The following ADGRL2 variants were observed in gnomAD, a reference collection of about 807,000 sequenced individuals.
ADGRL2 encodes adhesion G protein-coupled receptor L2.
Under a neutral mutation model 157.4 loss-of-function variants are expected in ADGRL2, and 44 were observed. The observed-to-expected ratio is 0.28, with a 90% CI of 0.22 to 0.36. ADGRL2 has a LOEUF of 0.36. ADGRL2 is among the 10% of genes least tolerant of loss of function. The probability of loss-of-function intolerance (pLI) is 1.00; values close to 1 mark genes in which losing one functional copy is unlikely to be tolerated. For synonymous variants in ADGRL2, 585 were observed against 624.7 expected (o/e 0.94, Z 0.95); for missense variants, 1,510 against 1,768.9 (o/e 0.85, Z 2.63).
At chr1:81,852,502 A>G (rs1349876515) in intron 2 of ADGRL2, among the ~76,000 whole-genome samples, 1 of 152,178 alleles carries the variant, frequency 6.6e-6, no homozygotes, top group Non-Finnish European at 1.5e-5. Flanking sequence ...TAATGAAGAG[A>G]ATAAGAAAAT....
At chr1:81,400,424 C>A (rs1483102584) in intron 1 of ADGRL2, among the ~76,000 whole-genome samples, 1 of 152,114 alleles carries the variant, frequency 6.6e-6, no homozygotes, top group Non-Finnish European at 1.5e-5. Context: ...CCTAGAAGCT[C>A]AGTCCCTGGA....
chr1:81,987,383 C>A lies in ADGRL2; in HGVS notation c.3637+354C>A, dbSNP rs761328817. ...ATATACTGTTCAGTTAATTCTAAAG[C>A]TTGCTGACAAAATTTGCTTCTGGAA... On this transcript the variant is annotated intron_variant, in intron 22 of 23. Coordinates refer to ENST00000686636, the MANE Select transcript of ADGRL2 (RefSeq NM_001366006.2). The A allele has an allele frequency of 2.3e-6, 3 of 1,280,914 alleles. No homozygotes were observed. The South Asian group carries it at 3.6e-5, about 15-fold the overall frequency. 79.3% of individuals were successfully genotyped at this position (1,280,914 alleles called of 1,614,324 possible).
At chr1:81,773,154 T>G (rs1413312531) in intron 2 of ADGRL2, among the ~76,000 whole-genome samples, 1 of 152,138 alleles carries the variant, frequency 6.6e-6, no homozygotes, top group Non-Finnish European at 1.5e-5. Flanking sequence ...AAAGGGAGAA[T>G]ATATCAATTG....
chr1:81,711,420 A>G (rs780928158), intron 1 of ADGRL2, among the ~76,000 whole-genome samples: 1 of 152,218 alleles, frequency 6.6e-6, no homozygotes, highest in Non-Finnish European at 1.5e-5. Flanking sequence ...CTTTTCCTCA[A>G]GACGGTCAGA....
At chr1:81,869,932 G>A (rs1437963166) in intron 2 of ADGRL2, among the ~76,000 whole-genome samples, 1 of 151,974 alleles carries the variant, frequency 6.6e-6, no homozygotes, top group Non-Finnish European at 1.5e-5. Flanking sequence ...TGTAAAATAT[G>A]TTTAATGGCT....
At chr1:81,331,253 T>A (rs1031894426) in intron 1 of ADGRL2, among the ~76,000 whole-genome samples, 24 of 152,128 alleles carry the variant, frequency 1.6e-4, no homozygotes, top group Non-Finnish European at 3.1e-4. Flanking sequence ...TATGCAAGAA[T>A]GCAAAAGATG....
At chr1:81,777,937 A>AC (rs1374032611) in intron 2 of ADGRL2, among the ~76,000 whole-genome samples, 2 of 152,112 alleles carry the variant, frequency 1.3e-5, no homozygotes, top group African/African-American at 4.8e-5. Context: ...TCTGTGGTAT[A>AC]CCCCTTGAAA....
At chr1:81,841,419 G>A (rs1422194524) in intron 2 of ADGRL2, among the ~76,000 whole-genome samples, 1 of 151,986 alleles carries the variant, frequency 6.6e-6, no homozygotes, top group Non-Finnish European at 1.5e-5. Context: ...CAGTATTTGG[G>A]TAGAAGAAAA....
At chr1:81,308,214 G>T (rs1659487272) in intron 1 of ADGRL2, among the ~76,000 whole-genome samples, 1 of 152,122 alleles carries the variant, frequency 6.6e-6, no homozygotes, top group Admixed American at 6.6e-5. Flanking sequence ...GTAAACTGAG[G>T]CTTTCCAGGA....
intron 1 of ADGRL2, among the ~76,000 whole-genome samples, chr1:81,401,457 CTTCTG>C (rs2076754488): frequency 6.6e-6 from 1 of 152,196 alleles, no homozygotes; most frequent in Non-Finnish European, 1.5e-5. Context: ...CAGGTACTTC[CTTCTG>C]TTCTCTATGT....
rs143263956 is a variant in ADGRL2 at position 81,471,653 on chromosome 1, A to C, written c.-248+26564A>C. On this transcript the variant is annotated intron_variant, in intron 2 of 24. Coordinates refer to the ADGRL2 transcript ENST00000370721. ...CAGTTGTTGAATAGAAACAGTTTTAAGCCTGAATCGAATTAAAATTGTGAA... is the reference window on the plus strand; with the variant it reads ...CAGTTGTTGAATAGAAACAGTTTTACGCCTGAATCGAATTAAAATTGTGAA... Among the ~76,000 whole-genome samples, 9 of 152,334 alleles carry C rather than the reference A, an allele frequency of 5.9e-5. No individual in the cohort carries two copies. The East Asian group carries it at 1.7e-3, about 29-fold the overall frequency.
chr1:81,888,159 G>A (rs182818668), intron 2 of ADGRL2, among the ~76,000 whole-genome samples: 1 of 152,246 alleles, frequency 6.6e-6, no homozygotes, highest in African/African-American at 2.4e-5. Flanking sequence ...TCAAGGTATG[G>A]AGACAATAAG....
At chr1:81,389,807 T>A (rs1326166472) in intron 1 of ADGRL2, among the ~76,000 whole-genome samples, 1 of 152,160 alleles carries the variant, frequency 6.6e-6, no homozygotes, top group Non-Finnish European at 1.5e-5. Flanking sequence ...TTGCATTTCT[T>A]GCAATGTGGA....
intron 3 of ADGRL2, among the ~76,000 whole-genome samples, chr1:81,639,787 C>T (rs1037932012): frequency 3.3e-5 from 5 of 152,118 alleles, no homozygotes; most frequent in African/African-American, 1.2e-4. Context: ...CACTTCACAG[C>T]ATAATGCTGT....
At chr1:81,390,266 G>T (rs1022276787) in intron 1 of ADGRL2, among the ~76,000 whole-genome samples, 4 of 152,278 alleles carry the variant, frequency 2.6e-5, no homozygotes, top group Admixed American at 6.5e-5. Context: ...CCCACTGATT[G>T]GTTAGTTGGT....
intron 2 of ADGRL2, among the ~76,000 whole-genome samples, chr1:81,893,455 A>G (rs2094314657): frequency 6.6e-6 from 1 of 152,196 alleles, no homozygotes; most frequent in South Asian, 2.1e-4. Context: ...GGGCTATTAG[A>G]GTAGTGCACC....
intron 1 of ADGRL2, among the ~76,000 whole-genome samples, chr1:81,346,084 C>T (rs2100799315): frequency 6.6e-6 from 1 of 152,168 alleles, no homozygotes; most frequent in East Asian, 1.9e-4. Flanking sequence ...TACTGTTAAC[C>T]CAAAGCTAAG....
intron 2 of ADGRL2, among the ~76,000 whole-genome samples, chr1:81,537,442 C>A (rs576017751): frequency 6.6e-6 from 1 of 151,902 alleles, no homozygotes; most frequent in South Asian, 2.1e-4. Context: ...CACCACCATG[C>A]CCTGCTAATT....
intron 2 of ADGRL2, among the ~76,000 whole-genome samples, chr1:81,519,461 G>GA (rs200662586): frequency 2.2e-4 from 33 of 149,858 alleles, no homozygotes; most frequent in East Asian, 1.2e-3. Context: ...AGCAGTGAAA[G>GA]AAAAAAAAAT....
Sources: allele counts gnomAD v4.1 joint callset (sites outside exome capture counted in the v4.1 genomes callset), GRCh38; gene constraint gnomAD v4.1.1; transcripts MANE v1.5; gene names NCBI Gene and HGNC (gene_info 2026-07-23, HGNC 2026-07-21).